Variants in NCOR2 observed in about 807,000 individuals in gnomAD.
NCOR2 encodes the protein nuclear receptor corepressor 2.
Under a neutral mutation model 262.9 loss-of-function variants are expected in NCOR2, and 81 were observed. The ratio of observed to expected loss-of-function variants is 0.31; its 90% confidence interval spans 0.26 to 0.37. The LOEUF is 0.37. Among genes scored for constraint, NCOR2 ranks in the 10% least tolerant of loss-of-function variants. NCOR2 has a pLI of 1.00. For synonymous variants in NCOR2, 1,659 were observed against 1,559.3 expected, an observed-to-expected ratio of 1.06 and a Z score of -1.51; for missense variants, 3,385 against 3,621.4, an observed-to-expected ratio of 0.93 and a Z score of 1.68.
intron 45 of NCOR2, 83 bp from the exon 48 acceptor site, chr12:124,326,453 G>C (rs1179273145): frequency 6.9e-6 from 9 of 1,304,784 alleles, no homozygotes; most frequent in Non-Finnish European, 9.0e-6. Flanking sequence ...GGGGCAGGGT[G>C]AGGTCCTGCC....
chr12:124,409,517 A>T (rs553703676), intron 13 of NCOR2, among the ~76,000 whole-genome samples: 1 of 152,216 alleles, frequency 6.6e-6, no homozygotes, highest in Admixed American at 6.5e-5. Context: ...ACCCTGGCTT[A>T]CATGTTTGCC....
At chr12:124,355,407 C>T (rs2135919894) in intron 24 of NCOR2, 25 bp downstream of exon 26, 3 of 1,612,032 alleles carry the variant, frequency 1.9e-6, no homozygotes, top group East Asian at 4.5e-5. Flanking sequence ...ACTAAGCCCC[C>T]AAGAAAGGAA....
Position 124,429,746 on chromosome 12 carries a change from TGGTCGG to T in NCOR2, c.1056-46_1056-41del, listed in dbSNP as rs778510542. The T allele has an allele frequency of 1.2e-5, 18 of 1,545,470 alleles. No homozygotes were observed. In the East Asian group the frequency reaches 1.7e-4, roughly 14 times the overall value. On this transcript the variant is annotated intron_variant, in intron 9 of 46. Transcript: ENST00000405201. ...GACACACTCAGGACCGGTCTTCTGG[TGGTCGG>T]GGACACTAGCAGACCCCTGTGGCGC...
At chr12:124,371,402 GA>G (rs2039501991) in intron 20 of NCOR2, among the ~76,000 whole-genome samples, 1 of 152,224 alleles carries the variant, frequency 6.6e-6, no homozygotes, top group African/African-American at 2.4e-5. Context: ...TTTGGAAATA[GA>G]CTGTTTGCTG....
chr12:124,347,738 C>G, intron 30 of NCOR2, 87 bp downstream of exon 32: 1 of 1,366,780 alleles, frequency 7.3e-7, no homozygotes, highest in Non-Finnish European at 1.0e-6. Flanking sequence ...GAGTTCCCAC[C>G]ACACTCTGGC....
intron 7 of NCOR2, among the ~76,000 whole-genome samples, chr12:124,444,227 G>A (rs2045003483): frequency 6.6e-6 from 1 of 152,214 alleles, no homozygotes; most frequent in Admixed American, 6.5e-5. Context: ...AAGGACCACA[G>A]TCTGTAGGAG....
intron 22 of NCOR2, among the ~76,000 whole-genome samples, chr12:124,357,810 G>A (rs149007027): frequency 4.1e-4 from 62 of 150,066 alleles, no homozygotes; most frequent in African/African-American, 1.1e-3. Flanking sequence ...GTGTGTGTGC[G>A]CGCACGCGCG....
chr12:124,472,840 G>C, intron 4 of NCOR2, 112 bp downstream of exon 6: 3 of 1,434,234 alleles, frequency 2.1e-6, no homozygotes, highest in Non-Finnish European at 2.9e-6. Context: ...ATAAAAACCA[G>C]TGAGCACCCA....
chr12:124,470,545 TGA>T (rs758477179), intron 4 of NCOR2, among the ~76,000 whole-genome samples: 12 of 152,272 alleles, frequency 7.9e-5, no homozygotes, highest in Middle Eastern at 3.4e-3. Context: ...AGAGACAACA[TGA>T]TAAACTCCAA....
At chr12:124,387,744 C>G (rs1211869094) in intron 16 of NCOR2, among the ~76,000 whole-genome samples, 1 of 152,278 alleles carries the variant, frequency 6.6e-6, no homozygotes, top group African/African-American at 2.4e-5. Context: ...CTGCCACTTC[C>G]AGAACCTGGC....
chr12:124,499,474 GGAA>G (rs10545574), upstream of NCOR2, among the ~76,000 whole-genome samples: 5,271 of 152,310 alleles, frequency 0.035, 276 homozygotes, highest in African/African-American at 0.11. Context: ...GGAGATACGA[GGAA>G]GAAGAACTTC....
At chr12:124,405,766 G>A (rs1218429750) in intron 13 of NCOR2, among the ~76,000 whole-genome samples, 1 of 152,174 alleles carries the variant, frequency 6.6e-6, no homozygotes, top group Non-Finnish European at 1.5e-5. Flanking sequence ...GGGGGGACCC[G>A]GCAGCCGGCT....
At chr12:124,428,437 T>C (rs2043719659) in intron 10 of NCOR2, among the ~76,000 whole-genome samples, 1 of 152,228 alleles carries the variant, frequency 6.6e-6, no homozygotes, top group Non-Finnish European at 1.5e-5. Flanking sequence ...CAGAATCAAG[T>C]GGGTGGCTGG....
intron 1 of NCOR2, among the ~76,000 whole-genome samples, chr12:124,510,491 C>T (rs1294927505): frequency 6.6e-6 from 1 of 152,250 alleles, no homozygotes; most frequent in Non-Finnish European, 1.5e-5. Flanking sequence ...TTATCATCCC[C>T]ATTCTACAGC....
rs2041795304 is a variant in NCOR2, at chr12:124,398,109, CA to C, written c.1876+9del. 1 of 1,614,072 alleles carries C rather than the reference CA, an allele frequency of 6.2e-7. No homozygotes were observed. Among genetic ancestry groups the C allele is most frequent in the Non-Finnish European group, 8.5e-7 (1 of 1,180,006 alleles). On this transcript the variant is annotated intron_variant, in intron 16 of 46. Transcript: ENST00000405201. The stretch of plus-strand genomic sequence containing the variant: ...ACCAACAAGGCTTAAAGCCGCCACA[CA>C]CCCCTCACCTTTCTTGGCTGTTTCC...
At chr12:124,327,732 A>T (rs947268899) in intron 44 of NCOR2, 99 bp from the exon 47 acceptor site, 1 of 727,118 alleles carries the variant, frequency 1.4e-6, no homozygotes, top group African/African-American at 1.8e-5. Flanking sequence ...AGAGGGAAGG[A>T]GGAGGAGGAG....
intron 2 of NCOR2, among the ~76,000 whole-genome samples, chr12:124,485,201 T>A (rs927907713): frequency 4.6e-5 from 7 of 152,080 alleles, no homozygotes; most frequent in African/African-American, 1.7e-4. Flanking sequence ...AAATATAACA[T>A]CCTCCCAAAA....
intron 1 of NCOR2, among the ~76,000 whole-genome samples, chr12:124,559,626 T>A (rs1415636211): frequency 1.3e-5 from 2 of 151,868 alleles, no homozygotes. Flanking sequence ...ATTCTGCCCC[T>A]CAAGAACTGA....
At chr12:124,419,518 T>C (rs2043097054) in intron 13 of NCOR2, among the ~76,000 whole-genome samples, 1 of 152,236 alleles carries the variant, frequency 6.6e-6, no homozygotes, top group African/African-American at 2.4e-5. Flanking sequence ...GTACTGGCTA[T>C]TTTTTCTTTC....
Sources: gnomAD v4.1 joint callset for allele counts (sites outside exome capture counted in the v4.1 genomes callset) on GRCh38, gnomAD v4.1.1 for gene constraint, MANE v1.5 for transcripts, NCBI Gene and HGNC (gene_info 2026-07-23, HGNC 2026-07-21) for gene names.